The following RMDN2 variants were observed in gnomAD, a reference collection of about 807,000 sequenced individuals.
RMDN2 encodes the protein regulator of microtubule dynamics 2, also known as regulator of microtubule dynamics protein 2.
A neutral mutation model predicts 52.8 loss-of-function variants in RMDN2; 61 were observed. That is an observed-to-expected ratio of 1.16 (90% confidence interval 0.94 to 1.43). The LOEUF is 1.43. Among genes scored for constraint, RMDN2 ranks in the 40% most tolerant of loss-of-function variants. The pLI is 0.00. For missense variants in RMDN2, 592 were observed against 475.3 expected, an observed-to-expected ratio of 1.25 and a Z score of -2.28; for synonymous variants, 180 against 153.1, an observed-to-expected ratio of 1.18 and a Z score of -1.30.
intron 10 of RMDN2, among the ~76,000 whole-genome samples, chr2:38,023,764 G>T (rs1276702691): frequency 6.6e-6 from 1 of 152,144 alleles, no homozygotes; most frequent in African/African-American, 2.4e-5. Context: ...AAATCATAAG[G>T]TTGGGTTTTA....
intron 3 of RMDN2, 43 bp from the exon 4 acceptor site, chr2:37,975,168 GT>G: frequency 1.7e-6 from 2 of 1,147,498 alleles, no homozygotes; most frequent in Non-Finnish European, 2.6e-6. Context: ...GAATAGACAA[GT>G]TACCAAGTTA....
chr2:37,950,732 C>G, intron 2 of RMDN2: 1 of 838,058 alleles, frequency 1.2e-6, no homozygotes. Context: ...GAAACATTCT[C>G]CCCAGAGAGA....
intron 8 of RMDN2, among the ~76,000 whole-genome samples, chr2:37,998,644 C>A (rs976383856): frequency 6.6e-6 from 1 of 152,294 alleles, no homozygotes; most frequent in South Asian, 2.1e-4. Flanking sequence ...TTCTCACTTT[C>A]TATCTCTCAC....
intron 4 of RMDN2, among the ~76,000 whole-genome samples, chr2:37,979,631 T>G (rs1372828031): frequency 6.6e-6 from 1 of 152,222 alleles, no homozygotes; most frequent in South Asian, 2.1e-4. Flanking sequence ...CTAACTTTCC[T>G]AATTAAGTAA....
downstream of RMDN2, among the ~76,000 whole-genome samples, chr2:38,020,779 T>A (rs1679299907): frequency 6.6e-6 from 1 of 151,516 alleles, no homozygotes; most frequent in African/African-American, 2.4e-5. Context: ...CAGCCCCCCA[T>A]GCCTGAACCT....
At chr2:38,006,725 G>T (rs1677145735) in intron 10 of RMDN2, among the ~76,000 whole-genome samples, 1 of 152,182 alleles carries the variant, frequency 6.6e-6, no homozygotes, top group South Asian at 2.1e-4. Context: ...GCCCTGGCCA[G>T]TACTTCCAAT....
chr2:37,989,696 A>G (rs946184945), intron 6 of RMDN2, 80 bp downstream of exon 6: 1 of 902,566 alleles, frequency 1.1e-6, no homozygotes, highest in Non-Finnish European at 1.7e-6. Context: ...AAATGTTTTA[A>G]TGTAGCCATA....
intron 2 of RMDN2, among the ~76,000 whole-genome samples, chr2:37,961,644 T>C (rs147426806): frequency 8.1e-4 from 123 of 152,220 alleles, no homozygotes; most frequent in African/African-American, 2.9e-3. Context: ...CATGCTCCTT[T>C]AGCTCGGAGA....
At chr2:37,943,671 A>G (rs948554369) in intron 2 of RMDN2, among the ~76,000 whole-genome samples, 2 of 152,214 alleles carry the variant, frequency 1.3e-5, no homozygotes, top group African/African-American at 4.8e-5. Context: ...TAAGAATTTT[A>G]GGTTGTATAT....
At chr2:38,063,555 A>G (rs1682141862) in intron 10 of RMDN2, among the ~76,000 whole-genome samples, 2 of 152,162 alleles carry the variant, frequency 1.3e-5, no homozygotes, top group South Asian at 4.1e-4. Flanking sequence ...GACAAATGGG[A>G]TCTAATTAAA....
downstream of RMDN2, among the ~76,000 whole-genome samples, chr2:38,020,433 C>T (rs1374158527): frequency 6.6e-6 from 1 of 152,230 alleles, no homozygotes; most frequent in Non-Finnish European, 1.5e-5. Flanking sequence ...GCCCTTCAGC[C>T]CACCGCTGCA....
intron 2 of RMDN2, among the ~76,000 whole-genome samples, chr2:37,948,584 G>T (rs1211066614): frequency 1.3e-5 from 2 of 152,128 alleles, no homozygotes; most frequent in Non-Finnish European, 2.9e-5. Context: ...TTGCTTTTGG[G>T]CTAAGTCTAA....
At position 37,928,378 on chromosome 2, in the gene RMDN2, C is replaced by A. The variant is rs114720324; in HGVS notation, c.-16-884C>A. On this transcript the variant is annotated intron_variant, in intron 1 of 10. Transcript: ENST00000354545. ...ATTTGAAACATTACATTTAGTTGGC[C>A]ATTTGAAGTGTAAGAAACAATGCTT... Among the ~76,000 whole-genome samples, 507 of 152,266 alleles carry A rather than the reference C, an allele frequency of 3.3e-3. 1 individual carries two copies. The highest frequency in any genetic ancestry group is 0.012 in the African/African-American group (493 of 41,548).
intron 4 of RMDN2, among the ~76,000 whole-genome samples, 186 bp from the exon 5 acceptor site, chr2:37,981,096 GC>G (rs1486866878): frequency 2.6e-5 from 4 of 152,172 alleles, no homozygotes; most frequent in African/African-American, 9.7e-5. Flanking sequence ...AGATTATTGG[GC>G]CCCAATCCCA....
chr2:37,943,197 G>A (rs1468487464), intron 2 of RMDN2, among the ~76,000 whole-genome samples: 2 of 152,220 alleles, frequency 1.3e-5, no homozygotes, highest in Admixed American at 1.3e-4. Flanking sequence ...ACAATGTGTA[G>A]CATGGGAAGA....
intron 10 of RMDN2, among the ~76,000 whole-genome samples, chr2:38,062,166 T>A (rs79259836): frequency 0.029 from 4,411 of 152,318 alleles, 223 homozygotes; most frequent in African/African-American, 0.1. Flanking sequence ...TATACATCCA[T>A]GTAACCACTG....
At chr2:38,055,113 T>G (rs901635003) in intron 10 of RMDN2, among the ~76,000 whole-genome samples, 3 of 152,088 alleles carry the variant, frequency 2.0e-5, no homozygotes, top group Non-Finnish European at 2.9e-5. Flanking sequence ...CCTTCTCTAT[T>G]TCCTCAGTGA....
chr2:38,025,384 T>A (rs1207844155), intron 10 of RMDN2, among the ~76,000 whole-genome samples: 1 of 152,122 alleles, frequency 6.6e-6, no homozygotes, highest in Non-Finnish European at 1.5e-5. Flanking sequence ...TTTTGTAGAT[T>A]CCATTAGATT....
rs987887364 is a variant in RMDN2 at position 38,061,656 on chromosome 2, C to T, written c.1714-5326C>T. On this transcript the variant is annotated intron_variant, in intron 10 of 10. Transcript: ENST00000234195. ...CAGTACACACACACACACACACATA[C>T]ACACATATACCACTTATAATTAACT... Among the ~76,000 whole-genome samples the T allele has an allele frequency of 1.6e-4, 24 of 146,794 alleles. No homozygotes were observed. The Admixed American group carries it at 1.6e-3, about 10-fold the overall frequency.
Sources: gnomAD v4.1 joint callset for allele counts (sites outside exome capture counted in the v4.1 genomes callset) on GRCh38, gnomAD v4.1.1 for gene constraint, MANE v1.5 for transcripts, NCBI Gene and HGNC (gene_info 2026-07-23, HGNC 2026-07-21) for gene names.